Variants in FIG4 observed in about 807,000 individuals in gnomAD.
FIG4 encodes FIG4 phosphoinositide 5-phosphatase.
FIG4 carries 112 observed loss-of-function variants against 118.6 expected under a neutral mutation model. The observed-to-expected ratio is 0.94, with a 90% CI of 0.81 to 1.11. The LOEUF is 1.11. FIG4 is among the 50% of genes least tolerant of loss of function. FIG4 has a pLI of 0.00. For missense variants in FIG4, 969 were observed against 1,111.7 expected (o/e 0.87, Z 1.83); for synonymous variants, 369 against 381.2 (o/e 0.97, Z 0.37).
At chr6:109,786,243 G>A in intron 17 of FIG4, 59 bp from the exon 18 acceptor site, 8 of 1,452,088 alleles carry the variant, frequency 5.5e-6, no homozygotes, top group Non-Finnish European at 7.7e-6. Flanking sequence ...TTAATATTAT[G>A]GAAATGTTTG....
intron 20 of FIG4, among the ~76,000 whole-genome samples, chr6:109,791,929 A>G (rs960622220): frequency 2.0e-5 from 3 of 152,210 alleles, no homozygotes; most frequent in Admixed American, 1.3e-4. Flanking sequence ...AATGGCTGCA[A>G]TGGGAAATTC....
At chr6:109,709,642 C>T (rs1272618901) in intron 1 of FIG4, among the ~76,000 whole-genome samples, 1 of 152,152 alleles carries the variant, frequency 6.6e-6, no homozygotes, top group Non-Finnish European at 1.5e-5. Flanking sequence ...TTTCTTTGAG[C>T]AGTGGTTTGT....
intron 22 of FIG4, among the ~76,000 whole-genome samples, chr6:109,813,976 A>G (rs1358605950): frequency 6.6e-6 from 1 of 152,208 alleles, no homozygotes; most frequent in Admixed American, 6.5e-5. Context: ...CTGGAACCAG[A>G]ACCACTAAAC....
intron 22 of FIG4, among the ~76,000 whole-genome samples, chr6:109,798,850 A>G (rs1330359272): frequency 6.6e-6 from 1 of 151,826 alleles, no homozygotes. Flanking sequence ...GCCCCTATTA[A>G]TTTAGAGACC....
At chr6:109,808,368 A>G (rs1291511215) in intron 22 of FIG4, among the ~76,000 whole-genome samples, 1 of 151,310 alleles carries the variant, frequency 6.6e-6, no homozygotes, top group African/African-American at 2.4e-5. Context: ...AAAAAAAAAA[A>G]AAAAAAGAGA....
intron 21 of FIG4, among the ~76,000 whole-genome samples, chr6:109,794,821 A>T (rs892161284): frequency 6.6e-6 from 1 of 152,196 alleles, no homozygotes; most frequent in African/African-American, 2.4e-5. Flanking sequence ...CACCTGGCCT[A>T]TCACAGAACC....
At chr6:109,738,255 C>T (rs1384630101) in intron 6 of FIG4, 70 bp from the exon 7 acceptor site, 1 of 1,346,714 alleles carries the variant, frequency 7.4e-7, no homozygotes, top group East Asian at 2.3e-5. Flanking sequence ...CTTTCTGATA[C>T]CAACCTTTTT....
At chr6:109,727,013 G>A (rs1418998420) in intron 3 of FIG4, 96 bp from the exon 4 acceptor site, 4 of 932,796 alleles carry the variant, frequency 4.3e-6, no homozygotes, top group East Asian at 4.8e-5. Flanking sequence ...ATAATAAAGT[G>A]AGAAATGTAT....
At chr6:109,775,356 T>C (rs1293789743) in intron 15 of FIG4, among the ~76,000 whole-genome samples, 1 of 152,214 alleles carries the variant, frequency 6.6e-6, no homozygotes, top group Admixed American at 6.5e-5. Flanking sequence ...CAAAAAGGCT[T>C]CTTTATGATC....
At chr6:109,705,063 T>C (rs1019262447) in intron 1 of FIG4, among the ~76,000 whole-genome samples, 4 of 152,142 alleles carry the variant, frequency 2.6e-5, no homozygotes, top group African/African-American at 9.7e-5. Context: ...GGGTGTTCGT[T>C]GTACTGTTCT....
chr6:109,789,660 T>G lies in FIG4; in HGVS notation c.2163T>G (p.Thr721=), dbSNP rs1778083442. The stretch of plus-strand genomic sequence containing the variant: ...TTACTGTGCGTAAACCAGATGAAAC[T>G]GGAAAATCAGTATTGGGGTAAGATT... ...SPFTVRKPDE[T]GKSVLGNKSN... is the part of the protein sequence containing the mutation. Residue 721 remains threonine, a synonymous_variant, in exon 19 of 23, where the codon ACT becomes ACG. Transcript: ENST00000230124. 2.5e-6 allele frequency: 4 copies of G among 1,612,284 alleles called. No homozygotes were observed. The South Asian group carries it at 4.4e-5, about 18-fold the overall frequency.
At chr6:109,773,143 C>T (rs1777516574) in intron 15 of FIG4, among the ~76,000 whole-genome samples, 1 of 152,192 alleles carries the variant, frequency 6.6e-6, no homozygotes. Context: ...CCAAATACAT[C>T]TTGTGCTTCA....
At chr6:109,804,120 T>A (rs1778502026) in intron 22 of FIG4, among the ~76,000 whole-genome samples, 1 of 152,188 alleles carries the variant, frequency 6.6e-6, no homozygotes, top group African/African-American at 2.4e-5. Flanking sequence ...CACTCTTACC[T>A]TTTACATGAG....
chr6:109,699,497 TG>T lies in FIG4; in HGVS notation c.66+7997del, dbSNP rs1404330825. 2.0e-5 allele frequency among the ~76,000 whole-genome samples: 3 copies of T among 151,430 alleles called. No individual in the cohort carries two copies. In the East Asian group the frequency reaches 5.8e-4, roughly 29 times the overall value. On this transcript the variant is annotated intron_variant, in intron 1 of 22. Coordinates refer to ENST00000230124, the MANE Select transcript of FIG4 (RefSeq NM_014845.6). ...TCCTCATACGCGGTTTTTTTTTGTT[TG>T]TTTTTTTTTTGTTTTTTTTTTTGAG... is the stretch of plus-strand genomic sequence containing the variant.
intron 12 of FIG4, among the ~76,000 whole-genome samples, chr6:109,762,605 G>A (rs1054503149): frequency 6.7e-5 from 10 of 149,646 alleles, no homozygotes; most frequent in Admixed American, 4.1e-4. Flanking sequence ...ACTATTTTGG[G>A]AGCTTCTTCA....
intron 1 of FIG4, among the ~76,000 whole-genome samples, chr6:109,695,426 G>A (rs745461633): frequency 6.6e-6 from 1 of 152,328 alleles, no homozygotes. Flanking sequence ...AGAGGAATGA[G>A]CAGCAGCATT....
chr6:109,814,225 A>C (rs1778797306), intron 22 of FIG4, among the ~76,000 whole-genome samples: 1 of 152,054 alleles, frequency 6.6e-6, no homozygotes, highest in African/African-American at 2.4e-5. Flanking sequence ...CAGAACCTTG[A>C]CCTGCCCGGC....
intron 15 of FIG4, among the ~76,000 whole-genome samples, chr6:109,769,851 C>T (rs1243224520): frequency 6.6e-6 from 1 of 152,086 alleles, no homozygotes; most frequent in African/African-American, 2.4e-5. Context: ...CCCAGGAGTT[C>T]GAGGCTGCAG....
rs772320287 is a variant in FIG4 at position 109,766,807 on chromosome 6, G to GA, written c.1666dup (p.Thr556AsnfsTer21). ...GTGGTTCTCAACTTGTTCATCGTGTGAAAACCTACAGAAAGATAGCACCAT... is the reference window on the plus strand; with the variant it reads ...GTGGTTCTCAACTTGTTCATCGTGTGAAAAACCTACAGAAAGATAGCACCAT... On this transcript the variant is annotated frameshift_variant, in exon 15 of 23. Transcript: ENST00000230124. LOFTEE classifies it high-confidence loss of function. 20 of 1,613,798 alleles carry GA rather than the reference G, an allele frequency of 1.2e-5. No homozygotes were observed. The highest frequency in any genetic ancestry group is 1.7e-5 in the Non-Finnish European group (20 of 1,179,902).
Sources: allele counts gnomAD v4.1 joint callset (sites outside exome capture counted in the v4.1 genomes callset), GRCh38; gene constraint gnomAD v4.1.1; transcripts MANE v1.5; gene names NCBI Gene and HGNC (gene_info 2026-07-23, HGNC 2026-07-21).